SFMBT2: variants seen among roughly 807,000 people sequenced by gnomAD.
SFMBT2 encodes the protein scm-like with four MBT domains protein 2.
Under a neutral mutation model 110.1 loss-of-function variants are expected in SFMBT2, and 38 were observed. The ratio of observed to expected loss-of-function variants is 0.35; its 90% CI spans 0.27 to 0.45. SFMBT2 has a LOEUF of 0.45. SFMBT2 is among the 20% of genes least tolerant of loss of function. The probability of loss-of-function intolerance (pLI) is 1.00; values close to 1 mark genes in which losing one functional copy is unlikely to be tolerated. For missense variants in SFMBT2, 1,011 were observed against 1,094.9 expected, an observed-to-expected ratio of 0.92 and a Z score of 1.08; for synonymous variants, 425 against 425.4, an observed-to-expected ratio of 1.00 and a Z score of 0.01.
intron 4 of SFMBT2, among the ~76,000 whole-genome samples, chr10:7,346,882 A>G (rs1844130204): frequency 6.6e-6 from 1 of 151,496 alleles, no homozygotes; most frequent in African/African-American, 2.4e-5. Context: ...GCTACTCAGG[A>G]GGCTGAGTGA....
At chr10:7,335,958 A>G (rs1843708568) in intron 4 of SFMBT2, among the ~76,000 whole-genome samples, 1 of 151,626 alleles carries the variant, frequency 6.6e-6, no homozygotes, top group African/African-American at 2.4e-5. Context: ...CACTAAAAAG[A>G]AAAAAAAAGA....
chr10:7,175,202 G>A (rs1311021821), intron 17 of SFMBT2, among the ~76,000 whole-genome samples: 1 of 152,248 alleles, frequency 6.6e-6, no homozygotes, highest in Non-Finnish European at 1.5e-5. Context: ...GAACTGAGGG[G>A]AGACGCAGGA....
At chr10:7,332,128 G>A (rs568037338) in intron 4 of SFMBT2, among the ~76,000 whole-genome samples, 4 of 152,238 alleles carry the variant, frequency 2.6e-5, no homozygotes, top group Admixed American at 6.5e-5. Flanking sequence ...GGAGGCTACT[G>A]GTATTGGCTC....
intron 7 of SFMBT2, among the ~76,000 whole-genome samples, chr10:7,258,292 T>C (rs535787005): frequency 1.3e-4 from 20 of 152,350 alleles, no homozygotes; most frequent in Middle Eastern, 6.8e-3. Flanking sequence ...ATTCTCCCTC[T>C]GCAGCAGCAA....
intron 7 of SFMBT2, among the ~76,000 whole-genome samples, chr10:7,270,408 T>C (rs551377731): frequency 1.3e-5 from 2 of 152,300 alleles, no homozygotes; most frequent in East Asian, 3.9e-4. Context: ...ACAGTAGCCT[T>C]TGCAAACTAA....
At chr10:7,176,500 G>C (rs1182600565) in intron 16 of SFMBT2, 1 of 985,274 alleles carries the variant, frequency 1.0e-6, no homozygotes. Flanking sequence ...AATGAGGTTA[G>C]TGAAATCGAA....
chr10:7,272,378 C>T (rs1156527740), intron 7 of SFMBT2, among the ~76,000 whole-genome samples: 1 of 152,234 alleles, frequency 6.6e-6, no homozygotes, highest in Non-Finnish European at 1.5e-5. Context: ...AATCCCAGGC[C>T]TTCAGCAGAA....
intron 16 of SFMBT2, among the ~76,000 whole-genome samples, chr10:7,179,994 CT>C (rs1235953035): frequency 1.3e-5 from 2 of 152,330 alleles, no homozygotes; most frequent in East Asian, 3.9e-4. Context: ...GTAGAGGGGA[CT>C]GAGTAAGGAT....
At chr10:7,183,347 G>A (rs1218859332) in intron 16 of SFMBT2, among the ~76,000 whole-genome samples, 2 of 152,184 alleles carry the variant, frequency 1.3e-5, no homozygotes, top group African/African-American at 4.8e-5. Flanking sequence ...CACATCAGGA[G>A]GGGCTGGGGC....
chr10:7,181,187 C>T (rs892484309), intron 16 of SFMBT2, among the ~76,000 whole-genome samples: 4 of 147,884 alleles, frequency 2.7e-5, no homozygotes, highest in Admixed American at 1.4e-4. Flanking sequence ...TGCAGTTAGC[C>T]GAGATTGTGC....
chr10:7,362,570 C>A (rs1169203168), intron 4 of SFMBT2, among the ~76,000 whole-genome samples: 2 of 152,214 alleles, frequency 1.3e-5, no homozygotes. Context: ...AGCTCTGCAA[C>A]CTCCATCTGA....
Position 7,220,466 on chromosome 10 carries a change from C to G in SFMBT2, c.1275G>C (p.Leu425=), listed in dbSNP as rs1271429671. Residue 425 remains leucine, a synonymous_variant, in exon 11 of 21, where the codon CTG becomes CTC. Transcript: ENST00000397167. ...TCACACTCACAACGGAGGCCACACA[C>G]AGTTCTCCTGGATTCCTGGGGTTCA... ...EAVNPRNPGE[L]CVASVVSVKG... is the part of the protein sequence containing the mutation. 4 of 1,614,072 alleles carry G rather than the reference C, an allele frequency of 2.5e-6. No individual in the cohort carries two copies. The East Asian group carries it at 6.7e-5, about 27-fold the overall frequency.
At chr10:7,348,291 G>C (rs747393264) in intron 4 of SFMBT2, 68 of 1,525,738 alleles carry the variant, frequency 4.5e-5, no homozygotes, top group Non-Finnish European at 5.3e-6. Context: ...CCTTTTCTAA[G>C]AAATATGTTG....
intron 12 of SFMBT2, chr10:7,203,996 C>A: frequency 1.3e-5 from 3 of 233,424 alleles, no homozygotes; most frequent in Non-Finnish European, 2.1e-5. Context: ...AGATTATAGA[C>A]GTGAGCCACC....
intron 4 of SFMBT2, among the ~76,000 whole-genome samples, chr10:7,364,791 C>T (rs1026117844): frequency 2.6e-5 from 4 of 152,182 alleles, no homozygotes; most frequent in African/African-American, 4.8e-5. Context: ...TGTACACGGC[C>T]CCCGGCATGA....
intron 4 of SFMBT2, among the ~76,000 whole-genome samples, chr10:7,331,592 T>C (rs1843558908): frequency 6.6e-6 from 1 of 152,142 alleles, no homozygotes; most frequent in African/African-American, 2.4e-5. Flanking sequence ...TGCCGCCCTG[T>C]CCACTGTGGT....
intron 12 of SFMBT2, chr10:7,205,514 A>C: frequency 1.5e-6 from 1 of 664,972 alleles, no homozygotes; most frequent in Non-Finnish European, 1.8e-6. Context: ...AGTATCTAAC[A>C]TATTTTTTCA....
chr10:7,360,517 A>G (rs1376538590), intron 4 of SFMBT2, among the ~76,000 whole-genome samples: 1 of 152,186 alleles, frequency 6.6e-6, no homozygotes, highest in African/African-American at 2.4e-5. Context: ...GAGTAGTGAA[A>G]AACAAATACA....
At chr10:7,331,735 G>A (rs953715850) in intron 4 of SFMBT2, among the ~76,000 whole-genome samples, 8 of 152,112 alleles carry the variant, frequency 5.3e-5, no homozygotes, top group African/African-American at 1.4e-4. Flanking sequence ...GACCCTGTGC[G>A]CATCACTCCT....
Sources: allele counts gnomAD v4.1 joint callset (sites outside exome capture counted in the v4.1 genomes callset), GRCh38; gene constraint gnomAD v4.1.1; transcripts MANE v1.5; gene names NCBI Gene and HGNC (gene_info 2026-07-23, HGNC 2026-07-21).